PDE11A: variants seen among roughly 807,000 people sequenced by gnomAD.
PDE11A encodes phosphodiesterase 11A.
Under a neutral mutation model 100.5 loss-of-function variants are expected in PDE11A, and 100 were observed. The observed-to-expected ratio is 1.00, with a 90% CI of 0.85 to 1.18. The LOEUF is 1.18. Among genes scored for constraint, PDE11A ranks in the 50% most tolerant of loss-of-function variants. The pLI is 0.00. For synonymous variants in PDE11A, 381 were observed against 420.8 expected (o/e 0.91, Z 1.16); for missense variants, 1,141 against 1,152.6 (o/e 0.99, Z 0.15).
intron 19 of PDE11A, among the ~76,000 whole-genome samples, chr2:177,660,018 C>T (rs949161641): frequency 4.0e-5 from 6 of 150,894 alleles, no homozygotes; most frequent in Non-Finnish European, 7.4e-5. Flanking sequence ...ACGACTTCAT[C>T]CTGTTACAAT....
At chr2:177,788,684 C>T (rs1481894955) in intron 9 of PDE11A, among the ~76,000 whole-genome samples, 2 of 150,726 alleles carry the variant, frequency 1.3e-5, no homozygotes, top group Non-Finnish European at 3.0e-5. Context: ...CAAATAGATG[C>T]AATAAAAAAT....
chr2:178,069,829 C>A (rs1350948822), intron 1 of PDE11A, among the ~76,000 whole-genome samples: 3 of 151,952 alleles, frequency 2.0e-5, no homozygotes, highest in Non-Finnish European at 4.4e-5. Context: ...AGGTTAGGGC[C>A]TGAAAGAGGA....
chr2:178,066,315 G>A (rs1011641951), intron 1 of PDE11A, among the ~76,000 whole-genome samples: 3 of 152,166 alleles, frequency 2.0e-5, no homozygotes, highest in African/African-American at 7.2e-5. Context: ...GGCCCGCTTC[G>A]TGAGCATGTG....
At chr2:177,845,161 C>G (rs1315774410) in intron 5 of PDE11A, among the ~76,000 whole-genome samples, 3 of 144,106 alleles carry the variant, frequency 2.1e-5, no homozygotes, top group African/African-American at 5.2e-5. Context: ...GCTGGCCGGG[C>G]GGGGGGCTGA....
chr2:177,648,639 G>A (rs554568746), intron 19 of PDE11A, among the ~76,000 whole-genome samples: 16 of 152,092 alleles, frequency 1.1e-4, no homozygotes, highest in African/African-American at 3.9e-4. Context: ...GTGAAACTAG[G>A]ATTATGAGAC....
intron 6 of PDE11A, among the ~76,000 whole-genome samples, chr2:177,830,148 T>A (rs1041942763): frequency 6.6e-6 from 1 of 152,062 alleles, no homozygotes; most frequent in Non-Finnish European, 1.5e-5. Context: ...GGAACTCAAT[T>A]CTCCCAACAA....
At position 177,711,878 on chromosome 2, in the gene PDE11A, T is replaced by C. The variant is rs754995449; in HGVS notation, c.2044A>G (p.Thr682Ala). The C allele has an allele frequency of 2.5e-6, 4 of 1,578,524 alleles. No individual in the cohort carries two copies. The East Asian group carries it at 9.0e-5, about 35-fold the overall frequency. ...GTCAGAATGTCTTGAAACCCAGCAG[T>C]CTGGGAAGAAGGGGAAAATGGCAAC... ...VCQLMFAMLTTAGFQDILTEV... is the reference protein window; with the variant it reads ...VCQLMFAMLTAAGFQDILTEV... Residue 682 changes from threonine to alanine, a missense_variant and splice_region_variant, in exon 13 of 20, where the codon ACT (threonine) becomes GCT (alanine). By Grantham distance (58) the Thr-to-Ala change is moderately conservative. Transcript: ENST00000286063.
intron 19 of PDE11A, among the ~76,000 whole-genome samples, chr2:177,644,797 A>G (rs939917528): frequency 2.0e-5 from 3 of 152,194 alleles, no homozygotes; most frequent in African/African-American, 7.2e-5. Flanking sequence ...GAGGTGATTG[A>G]ATTATGTGGG....
intron 9 of PDE11A, among the ~76,000 whole-genome samples, chr2:177,775,835 C>T (rs2082370149): frequency 6.6e-6 from 1 of 152,082 alleles, no homozygotes; most frequent in Non-Finnish European, 1.5e-5. Flanking sequence ...GTGGCTGTTT[C>T]CTTCATGCCA....
chr2:178,023,826 A>G (rs1358886163), intron 1 of PDE11A, among the ~76,000 whole-genome samples: 1 of 152,206 alleles, frequency 6.6e-6, no homozygotes, highest in Non-Finnish European at 1.5e-5. Context: ...TAAATTGTGG[A>G]GAAGATTACA....
chr2:177,668,377 A>G (rs191253127), intron 18 of PDE11A, among the ~76,000 whole-genome samples: 1 of 152,322 alleles, frequency 6.6e-6, no homozygotes, highest in Admixed American at 6.5e-5. Context: ...GGTTTTATAC[A>G]TTAACTGTAT....
Position 177,817,884 on chromosome 2 carries a change from CA to C in PDE11A, c.1617del (p.Phe539LeufsTer29). 2 of 1,543,496 alleles carry C rather than the reference CA, an allele frequency of 1.3e-6. No homozygotes were observed. Among genetic ancestry groups the C allele is most frequent in the Non-Finnish European group, 1.8e-6 (2 of 1,117,354 alleles). On this transcript the variant is annotated frameshift_variant, in exon 8 of 20. Coordinates refer to ENST00000286063, the MANE Select transcript of PDE11A (RefSeq NM_016953.4). LOFTEE classifies it high-confidence loss of function. ...QVLNRLDGKPFDDADQRLFEA... is the reference protein window; with the variant it reads ...QVLNRLDGKPXDDADQRLFEA... ...TCAAAAAGTCGTTGATCTGCATCAT[CA>C]AAAGGTTTCCCATCAAGTCTGTTTA...
Position 177,629,432 on chromosome 2 carries a change from A to G in PDE11A, c.2777T>C (p.Met926Thr), listed in dbSNP as rs1265951925. The G allele has an allele frequency of 3.8e-6, 6 of 1,579,330 alleles. No homozygotes were observed. In the Admixed American group the frequency reaches 5.5e-5, roughly 14 times the overall value. ...TTAGTTCCTGTCTTCCTTGGCTACC[A>G]TAACACTGGCAGGGGAGGATGAGGC... ...STASSSPASVMVAKEDRN is the reference protein window; with the variant it reads ...STASSSPASVTVAKEDRN Residue 926 changes from methionine (M) to threonine (T), a missense_variant, in exon 20 of 20, where the codon ATG (methionine) becomes ACG (threonine). By Grantham distance (81) the Met-to-Thr change is moderately conservative. Coordinates refer to ENST00000286063, the MANE Select transcript of PDE11A (RefSeq NM_016953.4).
chr2:177,906,158 C>T lies in PDE11A; in HGVS notation c.1072-971G>A, dbSNP rs1213322786. Among the ~76,000 whole-genome samples the T allele has an allele frequency of 2.7e-5, 4 of 147,388 alleles. No individual in the cohort carries two copies. The East Asian group carries it at 8.1e-4, about 30-fold the overall frequency. The stretch of plus-strand genomic sequence containing the variant: ...TATCATAGACTCTATGTCTCTCTGT[C>T]TCTCTCTCACACACACACACACGCA... On this transcript the variant is annotated intron_variant, in intron 2 of 19. Coordinates refer to ENST00000286063, the MANE Select transcript of PDE11A (RefSeq NM_016953.4).
intron 19 of PDE11A, among the ~76,000 whole-genome samples, chr2:177,641,675 GT>G (rs1362882003): frequency 6.6e-6 from 1 of 152,192 alleles, no homozygotes; most frequent in Admixed American, 6.5e-5. Context: ...GCTTCCAGCA[GT>G]TTTTAAAACT....
chr2:177,678,403 A>G (rs2080811946), intron 16 of PDE11A, among the ~76,000 whole-genome samples: 1 of 152,194 alleles, frequency 6.6e-6, no homozygotes, highest in Non-Finnish European at 1.5e-5. Flanking sequence ...AGGATAAATA[A>G]TAAACATGTG....
chr2:177,787,875 C>T (rs1377735372), intron 9 of PDE11A, among the ~76,000 whole-genome samples: 8 of 152,286 alleles, frequency 5.3e-5, no homozygotes, highest in South Asian at 2.1e-4. Flanking sequence ...CAGGAGCACC[C>T]AGATTCATAA....
chr2:177,751,798 A>G (rs1322824886), intron 10 of PDE11A, among the ~76,000 whole-genome samples: 1 of 152,212 alleles, frequency 6.6e-6, no homozygotes, highest in Non-Finnish European at 1.5e-5. Context: ...AGTACAGGAG[A>G]AACAGGCATT....
At chr2:178,069,510 C>T (rs961095193) in intron 1 of PDE11A, among the ~76,000 whole-genome samples, 2 of 152,146 alleles carry the variant, frequency 1.3e-5, no homozygotes, top group African/African-American at 2.4e-5. Context: ...GCACGTTTCC[C>T]CTACCTGCCT....
Sources: gnomAD v4.1 joint callset for allele counts (sites outside exome capture counted in the v4.1 genomes callset) on GRCh38, gnomAD v4.1.1 for gene constraint, MANE v1.5 for transcripts, NCBI Gene and HGNC (gene_info 2026-07-23, HGNC 2026-07-21) for gene names.